FOXN3: variants seen among roughly 807,000 people sequenced by gnomAD.
FOXN3 encodes forkhead box protein N3.
Under a neutral mutation model 38.4 loss-of-function variants are expected in FOXN3, and 7 were observed. That is an observed-to-expected ratio of 0.18 (90% confidence interval 0.10 to 0.34). The LOEUF (loss-of-function observed/expected upper bound fraction) is 0.34, where lower values mean the gene tolerates loss of function less well. Among genes scored for constraint, FOXN3 ranks in the 10% least tolerant of loss-of-function variants. The pLI, the probability that FOXN3 is intolerant of heterozygous loss-of-function variation, is 1.00. For missense variants in FOXN3, 456 were observed against 613.4 expected, an observed-to-expected ratio of 0.74 and a Z score of 2.71; for synonymous variants, 230 against 242.2, an observed-to-expected ratio of 0.95 and a Z score of 0.47.
chr14:89,192,850 A>C (rs1887996330), intron 4 of FOXN3, among the ~76,000 whole-genome samples: 1 of 149,860 alleles, frequency 6.7e-6, no homozygotes, highest in Non-Finnish European at 1.5e-5. Context: ...AAAACCATTC[A>C]GCTAAAAAAC....
intron 2 of FOXN3, among the ~76,000 whole-genome samples, chr14:89,405,913 G>A (rs558673377): frequency 2.6e-5 from 4 of 152,028 alleles, no homozygotes; most frequent in Non-Finnish European, 5.9e-5. Context: ...GAGGGAATCG[G>A]GCCAAGCATG....
chr14:89,421,721 G>T (rs1320565833), upstream of FOXN3, among the ~76,000 whole-genome samples: 1 of 150,986 alleles, frequency 6.6e-6, no homozygotes, highest in Non-Finnish European at 1.5e-5. Flanking sequence ...TAGAGACGGG[G>T]TTTCTCCACG....
intron 2 of FOXN3, among the ~76,000 whole-genome samples, chr14:89,364,084 G>A (rs149406180): frequency 0.011 from 1,597 of 147,414 alleles, 17 homozygotes; most frequent in Non-Finnish European, 0.018. Context: ...ACAGTCTAAC[G>A]ACATTGGGGA....
At chr14:89,552,396 C>G (rs998563642) in intron 1 of FOXN3, among the ~76,000 whole-genome samples, 54 of 152,320 alleles carry the variant, frequency 3.5e-4, no homozygotes, top group African/African-American at 1.3e-3. Context: ...TGTAAATAAG[C>G]TGAACCCATT....
chr14:89,270,309 G>A (rs771593135), intron 4 of FOXN3, among the ~76,000 whole-genome samples: 4 of 152,196 alleles, frequency 2.6e-5, no homozygotes, highest in Non-Finnish European at 5.9e-5. Context: ...AAGGATCTAT[G>A]TTACTATTGC....
At chr14:89,354,698 T>C (rs1220023197) in intron 2 of FOXN3, among the ~76,000 whole-genome samples, 1 of 151,278 alleles carries the variant, frequency 6.6e-6, no homozygotes, top group African/African-American at 2.4e-5. Context: ...CTACTAAAAA[T>C]ACCATAATTA....
intron 2 of FOXN3, among the ~76,000 whole-genome samples, chr14:89,402,428 C>T (rs998184287): frequency 1.3e-5 from 2 of 152,228 alleles, no homozygotes; most frequent in African/African-American, 4.8e-5. Context: ...GGTCCAGTAA[C>T]ATTTGCCTCC....
intron 2 of FOXN3, among the ~76,000 whole-genome samples, chr14:89,366,945 T>C (rs1890178147): frequency 6.6e-6 from 1 of 152,242 alleles, no homozygotes; most frequent in Admixed American, 6.5e-5. Context: ...GGCACATAAT[T>C]TGATCACCAT....
chr14:89,568,526 G>T (rs1365962831), intron 1 of FOXN3, among the ~76,000 whole-genome samples: 2 of 152,178 alleles, frequency 1.3e-5, no homozygotes, highest in African/African-American at 4.8e-5. Flanking sequence ...TCCACCATGT[G>T]CACAGTGAAC....
At chr14:89,458,137 A>C (rs960792226) in intron 1 of FOXN3, among the ~76,000 whole-genome samples, 1 of 152,084 alleles carries the variant, frequency 6.6e-6, no homozygotes, top group Non-Finnish European at 1.5e-5. Flanking sequence ...GGAGGAAGGA[A>C]GGTGACATGG....
chr14:89,603,356 T>C (rs1896198281), intron 1 of FOXN3, among the ~76,000 whole-genome samples: 1 of 152,250 alleles, frequency 6.6e-6, no homozygotes, highest in Non-Finnish European at 1.5e-5. Flanking sequence ...ACAATTTCTA[T>C]TGTTTTGATT....
chr14:89,499,180 C>T (rs901316846), intron 1 of FOXN3, among the ~76,000 whole-genome samples: 3 of 152,044 alleles, frequency 2.0e-5, no homozygotes, highest in African/African-American at 7.3e-5. Flanking sequence ...AGGGTATCAG[C>T]GGGTCTTCTC....
chr14:89,546,870 G>A (rs965351619), intron 1 of FOXN3, among the ~76,000 whole-genome samples: 3 of 151,864 alleles, frequency 2.0e-5, no homozygotes, highest in African/African-American at 4.8e-5. Context: ...TGCAACCTCC[G>A]CCTCCCAGGT....
chr14:89,587,129 A>C (rs1223891352), intron 1 of FOXN3, among the ~76,000 whole-genome samples: 1 of 152,118 alleles, frequency 6.6e-6, no homozygotes, highest in East Asian at 1.9e-4. Flanking sequence ...TGAAGGCAAA[A>C]TTTCCTTTTT....
intron 2 of FOXN3, among the ~76,000 whole-genome samples, chr14:89,385,324 A>G (rs1890762206): frequency 6.6e-6 from 1 of 152,088 alleles, no homozygotes; most frequent in Non-Finnish European, 1.5e-5. Flanking sequence ...TCTAAAATCT[A>G]TAACCCTATC....
At chr14:89,530,755 G>A (rs925346578) in intron 1 of FOXN3, among the ~76,000 whole-genome samples, 1 of 150,874 alleles carries the variant, frequency 6.6e-6, no homozygotes, top group Admixed American at 6.6e-5. Context: ...GATTACAGGC[G>A]CCTACCACCA....
chr14:89,547,544 AT>A (rs1894912009), intron 1 of FOXN3, among the ~76,000 whole-genome samples: 1 of 152,000 alleles, frequency 6.6e-6, no homozygotes, highest in South Asian at 2.1e-4. Context: ...GCAATTGTTA[AT>A]TGTTGATTTC....
chr14:89,544,607 A>G (rs750793031), intron 1 of FOXN3, among the ~76,000 whole-genome samples: 29 of 152,190 alleles, frequency 1.9e-4, no homozygotes, highest in Non-Finnish European at 4.1e-4. Flanking sequence ...CTATCAGGAC[A>G]TAAAGTAAAA....
intron 3 of FOXN3, among the ~76,000 whole-genome samples, chr14:89,344,964 C>T (rs189592348): frequency 2.0e-4 from 31 of 152,302 alleles, no homozygotes; most frequent in Admixed American, 2.0e-3. Flanking sequence ...AACCCAAACA[C>T]ACCACCCCTC....
Sources: gnomAD v4.1 joint callset for allele counts (sites outside exome capture counted in the v4.1 genomes callset) on GRCh38, gnomAD v4.1.1 for gene constraint, MANE v1.5 for transcripts, NCBI Gene and HGNC (gene_info 2026-07-23, HGNC 2026-07-21) for gene names.